RAD51B: variants seen among roughly 807,000 people sequenced by gnomAD.
RAD51B encodes RAD51 paralog B, also known as DNA repair protein RAD51 homolog 2.
In RAD51B, 38 loss-of-function variants were observed where a neutral mutation model predicts 42.2. The ratio of observed to expected loss-of-function variants is 0.90; its 90% CI spans 0.70 to 1.18. The LOEUF is 1.18. Ranked by LOEUF, RAD51B falls within the 50% of genes most tolerant of loss-of-function variation. The pLI is 0.00. For missense variants in RAD51B, 373 were observed against 400.7 expected (o/e 0.93, Z 0.59); for synonymous variants, 154 against 145.2 (o/e 1.06, Z -0.43).
chr14:68,307,450 T>A (rs1278406789), intron 8 of RAD51B, among the ~76,000 whole-genome samples: 4 of 152,166 alleles, frequency 2.6e-5, no homozygotes. Flanking sequence ...TGAATTGAAT[T>A]TACCCTTTTG....
chr14:68,457,467 T>C (rs73278340), intron 9 of RAD51B, among the ~76,000 whole-genome samples: 2,236 of 152,340 alleles, frequency 0.015, 56 homozygotes, highest in African/African-American at 0.051. Flanking sequence ...ATGTATATTA[T>C]ACCTAAATAA....
intron 10 of RAD51B, among the ~76,000 whole-genome samples, chr14:68,649,700 G>T (rs1277992762): frequency 1.3e-5 from 2 of 152,202 alleles, no homozygotes; most frequent in Non-Finnish European, 2.9e-5. Context: ...CATGTGTGAA[G>T]AGGGGAGGTG....
intron 7 of RAD51B, among the ~76,000 whole-genome samples, chr14:67,903,431 T>A (rs931575464): frequency 2.6e-5 from 4 of 152,048 alleles, no homozygotes; most frequent in Admixed American, 6.6e-5. Flanking sequence ...TTAAGGCATT[T>A]AAAAAAAATG....
intron 8 of RAD51B, among the ~76,000 whole-genome samples, chr14:68,341,994 G>GA (rs564703474): frequency 1.9e-3 from 283 of 150,084 alleles, no homozygotes; most frequent in Non-Finnish European, 2.9e-3. Flanking sequence ...TATAGTGTAA[G>GA]AAAAAAAAAA....
At chr14:68,186,920 T>C (rs543821056) in intron 7 of RAD51B, among the ~76,000 whole-genome samples, 2 of 152,300 alleles carry the variant, frequency 1.3e-5, no homozygotes, top group African/African-American at 4.8e-5. Context: ...TATACTCACA[T>C]GTTCATCGCA....
At chr14:68,226,445 C>T (rs1481874905) in intron 7 of RAD51B, among the ~76,000 whole-genome samples, 20 of 152,112 alleles carry the variant, frequency 1.3e-4, no homozygotes, top group African/African-American at 4.3e-4. Flanking sequence ...ATAATTCCCA[C>T]GTGTTGTGAG....
At chr14:68,596,715 C>T (rs1272910428), downstream of RAD51B, among the ~76,000 whole-genome samples, 3 of 152,252 alleles carry the variant, frequency 2.0e-5, no homozygotes, top group Non-Finnish European at 2.9e-5. Context: ...TTTAAAGAAC[C>T]TATCTAGCTT....
chr14:68,658,723 C>T (rs1892872028), intron 11 of RAD51B, among the ~76,000 whole-genome samples: 1 of 152,212 alleles, frequency 6.6e-6, no homozygotes, highest in Non-Finnish European at 1.5e-5. Flanking sequence ...CATCATCATC[C>T]TCGTCCTCCT....
intron 9 of RAD51B, among the ~76,000 whole-genome samples, chr14:68,440,130 GT>G (rs1329610480): frequency 6.6e-6 from 1 of 150,638 alleles, no homozygotes; most frequent in African/African-American, 2.5e-5. Context: ...TATTTGGCTA[GT>G]AATAATGGTT....
At chr14:68,404,084 A>G (rs905908560) in intron 8 of RAD51B, among the ~76,000 whole-genome samples, 1 of 152,218 alleles carries the variant, frequency 6.6e-6, no homozygotes, top group African/African-American at 2.4e-5. Context: ...AGTAGATTAG[A>G]TTTGCTCTAT....
intron 7 of RAD51B, among the ~76,000 whole-genome samples, chr14:67,888,060 C>G (rs1193506489): frequency 6.6e-6 from 1 of 152,090 alleles, no homozygotes; most frequent in Non-Finnish European, 1.5e-5. Flanking sequence ...AATCTTGGAT[C>G]TTTGCAACAT....
At chr14:67,951,258 A>G (rs1325991284) in intron 7 of RAD51B, among the ~76,000 whole-genome samples, 1 of 152,158 alleles carries the variant, frequency 6.6e-6, no homozygotes, top group Non-Finnish European at 1.5e-5. Context: ...GTAGTTTTGT[A>G]TCCATTGAAA....
At chr14:67,986,652 G>T (rs969976517) in intron 7 of RAD51B, among the ~76,000 whole-genome samples, 1 of 152,164 alleles carries the variant, frequency 6.6e-6, no homozygotes, top group African/African-American at 2.4e-5. Context: ...GTCAGTAAAA[G>T]ATCTCTTATT....
At chr14:68,212,540 G>A (rs1203106585) in intron 7 of RAD51B, among the ~76,000 whole-genome samples, 1 of 152,114 alleles carries the variant, frequency 6.6e-6, no homozygotes, top group Non-Finnish European at 1.5e-5. Context: ...TCACTACTGG[G>A]GACTTTCCAT....
intron 7 of RAD51B, among the ~76,000 whole-genome samples, chr14:68,237,102 A>G (rs2080274751): frequency 6.6e-6 from 1 of 152,210 alleles, no homozygotes; most frequent in Non-Finnish European, 1.5e-5. Flanking sequence ...TGTCCTGGGA[A>G]ATTTCTTCAG....
intron 10 of RAD51B, among the ~76,000 whole-genome samples, chr14:68,642,728 C>T (rs184753998): frequency 2.0e-4 from 30 of 152,280 alleles, no homozygotes; most frequent in Admixed American, 6.5e-5. Context: ...TTTCTTCTAA[C>T]GTATGCACTC....
At chr14:68,021,335 C>G (rs2075861709) in intron 7 of RAD51B, among the ~76,000 whole-genome samples, 1 of 152,146 alleles carries the variant, frequency 6.6e-6, no homozygotes, top group African/African-American at 2.4e-5. Flanking sequence ...TCTGCAATTT[C>G]GATATTGCTA....
intron 7 of RAD51B, among the ~76,000 whole-genome samples, chr14:67,953,187 A>G (rs1334444891): frequency 6.6e-6 from 1 of 152,132 alleles, no homozygotes; most frequent in Non-Finnish European, 1.5e-5. Context: ...TTATTAACAT[A>G]AGTGCTTCAT....
chr14:67,844,099 A>G (rs1013087986), intron 4 of RAD51B, among the ~76,000 whole-genome samples: 4 of 151,932 alleles, frequency 2.6e-5, no homozygotes, highest in Non-Finnish European at 5.9e-5. Flanking sequence ...CCTTAATTTC[A>G]TTGTTTACCC....
Sources: gnomAD v4.1 joint callset for allele counts (sites outside exome capture counted in the v4.1 genomes callset) on GRCh38, gnomAD v4.1.1 for gene constraint, MANE v1.5 for transcripts, NCBI Gene and HGNC (gene_info 2026-07-23, HGNC 2026-07-21) for gene names.